Variants in CFAP68 observed in about 807,000 individuals in gnomAD.
CFAP68 encodes the protein cilia- and flagella-associated protein 68.
At chr11:111,879,726 T>C in the CFAP68 span, 1 of 1,115,818 alleles carries the variant, frequency 9.0e-7, no homozygotes, top group Non-Finnish European at 1.3e-6. Context: ...ATGATTTCAA[T>C]GAGCCTGCAG....
At chr11:111,882,597 A>G in the CFAP68 span, 2 of 1,558,526 alleles carry the variant, frequency 1.3e-6, no homozygotes, top group East Asian at 2.3e-5. Context: ...TTGCCTTCCC[A>G]GGTAATCTAA....
At chr11:111,881,389 G>A in the CFAP68 span, 8 of 1,517,310 alleles carry the variant, frequency 5.3e-6, no homozygotes, top group South Asian at 9.8e-5. Context: ...TGCATTATTG[G>A]CTTTGTTTCT....
chr11:111,879,642 G>A, the CFAP68 span: 7 of 1,596,562 alleles, frequency 4.4e-6, no homozygotes, highest in Non-Finnish European at 6.0e-6. Context: ...GTTCAAGAAA[G>A]AGTATTGAGT....
chr11:111,880,471 A>G, the CFAP68 span, among the ~76,000 whole-genome samples: 1 of 152,346 alleles, frequency 6.6e-6, no homozygotes, highest in East Asian at 1.9e-4. Context: ...TAAAGAAGCC[A>G]GCTAAAATCC....
chr11:111,879,675 G>C, the CFAP68 span: 1 of 1,513,574 alleles, frequency 6.6e-7, no homozygotes, highest in Non-Finnish European at 9.2e-7. Flanking sequence ...CCAGGCCACT[G>C]TGAGGGTGGT....
chr11:111,883,075 T>C, the CFAP68 span: 1 of 1,251,484 alleles, frequency 8.0e-7, no homozygotes, highest in East Asian at 2.5e-5. Context: ...CATATTGATC[T>C]TTATTTCCTG....
chr11:111,883,808 A>T, the CFAP68 span: 1 of 1,613,680 alleles, frequency 6.2e-7, no homozygotes, highest in Non-Finnish European at 8.5e-7. Flanking sequence ...CAGGACATCA[A>T]CCTGAACTGG....
At chr11:111,881,679 T>A in the CFAP68 span, 1 of 1,456,198 alleles carries the variant, frequency 6.9e-7, no homozygotes, top group African/African-American at 1.4e-5. Flanking sequence ...ATTGAGCTTT[T>A]ATCTTACCAA....
the CFAP68 span, chr11:111,882,452 T>G: frequency 4.3e-6 from 7 of 1,614,204 alleles, no homozygotes; most frequent in Non-Finnish European, 5.9e-6. Context: ...GTGGACAGAT[T>G]GGAATAATAT....
At chr11:111,882,001 TTC>T in the CFAP68 span, among the ~76,000 whole-genome samples, 1 of 152,240 alleles carries the variant, frequency 6.6e-6, no homozygotes, top group Non-Finnish European at 1.5e-5. Context: ...CAACTCTCAC[TTC>T]TTTTTGTTCT....
the CFAP68 span, chr11:111,884,996 C>T: frequency 2.6e-5 from 4 of 151,430 alleles, no homozygotes; most frequent in Admixed American, 1.3e-4. Context: ...TCTAAAAATA[C>T]AAAAATTAGC....
At chr11:111,882,709 G>C in the CFAP68 span, 2 of 1,029,426 alleles carry the variant, frequency 1.9e-6, no homozygotes, top group African/African-American at 1.6e-5. Flanking sequence ...TGATCTCTCA[G>C]TTTTCAGTGA....
At chr11:111,879,673 C>G in the CFAP68 span, 7 of 1,526,556 alleles carry the variant, frequency 4.6e-6, no homozygotes, top group South Asian at 6.7e-5. Context: ...TGCCAGGCCA[C>G]TGTGAGGGTG....
At chr11:111,881,478 C>T in the CFAP68 span, 3 of 1,535,986 alleles carry the variant, frequency 2.0e-6, no homozygotes, top group Admixed American at 2.0e-5. Context: ...TCTTTCTTTG[C>T]TTGGAGAACT....
At chr11:111,881,258 T>C in the CFAP68 span, 8 of 1,405,270 alleles carry the variant, frequency 5.7e-6, no homozygotes, top group African/African-American at 1.4e-5. Context: ...ACCAGGCCCA[T>C]TGGACTTTGT....
At chr11:111,881,291 ATGT>A in the CFAP68 span, 8,390 of 1,424,496 alleles carry the variant, frequency 5.9e-3, 29 homozygotes, top group Non-Finnish European at 6.9e-3. Context: ...TCTGGTCATC[ATGT>A]TGTTTGGTAA....
the CFAP68 span, chr11:111,882,233 G>A: frequency 2.8e-6 from 2 of 715,456 alleles, no homozygotes; most frequent in South Asian, 2.0e-5. Context: ...AGAAGAAACA[G>A]AACCATAACA....
the CFAP68 span, chr11:111,881,164 G>A: frequency 8.1e-7 from 1 of 1,230,412 alleles, no homozygotes; most frequent in Non-Finnish European, 1.0e-6. Context: ...TAAGCCCCAG[G>A]CTTCTGGCTT....
At chr11:111,883,013 A>G in the CFAP68 span, 1 of 786,622 alleles carries the variant, frequency 1.3e-6, no homozygotes, top group Non-Finnish European at 2.1e-6. Context: ...ATATAGACTA[A>G]CACCATAGAA....
Sources: allele counts gnomAD v4.1 joint callset (sites outside exome capture counted in the v4.1 genomes callset), GRCh38; gene constraint gnomAD v4.1.1; transcripts MANE v1.5; gene names NCBI Gene and HGNC (gene_info 2026-07-23, HGNC 2026-07-21).